The following GPC5 variants were observed in gnomAD, a reference collection of about 807,000 sequenced individuals.
GPC5 encodes glypican-5.
GPC5 carries 47 observed loss-of-function variants against 53.9 expected under a neutral mutation model. The observed-to-expected ratio is 0.87, with a 90% CI of 0.69 to 1.11. The LOEUF is 1.11. GPC5 is among the 50% of genes most tolerant of loss of function. The pLI is 0.00. For missense variants in GPC5, 748 were observed against 713.1 expected, an observed-to-expected ratio of 1.05 and a Z score of -0.56; for synonymous variants, 286 against 263.3, an observed-to-expected ratio of 1.09 and a Z score of -0.84.
intron 7 of GPC5, among the ~76,000 whole-genome samples, chr13:92,848,537 C>A (rs1278233526): frequency 1.4e-5 from 2 of 147,234 alleles, no homozygotes; most frequent in Non-Finnish European, 3.0e-5. Flanking sequence ...AACATAATTG[C>A]AACTTTAAGG....
At chr13:91,425,042 C>A (rs79266484) in intron 1 of GPC5, among the ~76,000 whole-genome samples, 2 of 152,106 alleles carry the variant, frequency 1.3e-5, no homozygotes, top group Non-Finnish European at 2.9e-5. Flanking sequence ...GGGAAGATAT[C>A]TAAGTAGACT....
intron 6 of GPC5, among the ~76,000 whole-genome samples, chr13:92,026,234 T>A (rs1051164503): frequency 6.6e-6 from 1 of 152,188 alleles, no homozygotes; most frequent in Non-Finnish European, 1.5e-5. Context: ...TCATAACATA[T>A]GCAAATTATT....
At chr13:92,695,301 C>T (rs1887526686) in intron 7 of GPC5, among the ~76,000 whole-genome samples, 1 of 151,948 alleles carries the variant, frequency 6.6e-6, no homozygotes, top group South Asian at 2.1e-4. Context: ...ATTTAAGTTC[C>T]TTATAGATTC....
At chr13:92,385,063 A>AT (rs887875988) in intron 7 of GPC5, among the ~76,000 whole-genome samples, 6 of 151,592 alleles carry the variant, frequency 4.0e-5, no homozygotes, top group Admixed American at 4.0e-4. Context: ...ACAATATTTT[A>AT]TTTTTTTCTG....
At chr13:91,487,530 G>T (rs535849269) in intron 2 of GPC5, among the ~76,000 whole-genome samples, 23 of 152,248 alleles carry the variant, frequency 1.5e-4, no homozygotes, top group Non-Finnish European at 2.6e-4. Context: ...GAATACTAGG[G>T]TAGGGCCCCT....
rs549724911 is a variant in GPC5, at chr13:92,482,129, C to CT, written c.1561+337141dup. ...CTGGGCAACAAGGGCAAAACTCTGC[C>CT]TAAAAAAAAAAAATTCCTGATGTTG... On this transcript the variant is annotated intron_variant, in intron 7 of 7. Coordinates refer to ENST00000377067, the MANE Select transcript of GPC5 (RefSeq NM_004466.6). Among the ~76,000 whole-genome samples the CT allele has an allele frequency of 2.8e-4, 42 of 148,830 alleles. No individual in the cohort carries two copies. In the South Asian group the frequency reaches 8.7e-3, roughly 31 times the overall value.
At chr13:91,622,971 G>T (rs1294013001) in intron 2 of GPC5, among the ~76,000 whole-genome samples, 2 of 152,082 alleles carry the variant, frequency 1.3e-5, no homozygotes, top group Non-Finnish European at 2.9e-5. Flanking sequence ...ACCTCATGAG[G>T]AATAATTGCT....
intron 6 of GPC5, among the ~76,000 whole-genome samples, chr13:92,058,390 T>C (rs1331188238): frequency 6.6e-6 from 1 of 152,124 alleles, no homozygotes; most frequent in Admixed American, 6.5e-5. Flanking sequence ...CAAAATTGTG[T>C]GGAACATACA....
chr13:92,423,363 A>AGT (rs1228659762), intron 7 of GPC5, among the ~76,000 whole-genome samples: 2 of 152,194 alleles, frequency 1.3e-5, no homozygotes, highest in Non-Finnish European at 2.9e-5. Flanking sequence ...ACAGTTTTTG[A>AGT]GTGTTTTAAC....
chr13:91,557,218 C>A (rs1197049158), intron 2 of GPC5, among the ~76,000 whole-genome samples: 1 of 152,096 alleles, frequency 6.6e-6, no homozygotes, highest in South Asian at 2.1e-4. Context: ...TCATTTCCTG[C>A]TGCTCCAATT....
intron 7 of GPC5, among the ~76,000 whole-genome samples, chr13:92,387,740 T>C (rs1310047882): frequency 6.6e-6 from 1 of 152,182 alleles, no homozygotes; most frequent in African/African-American, 2.4e-5. Context: ...AACTCTACCA[T>C]CAAACTATAT....
chr13:92,469,002 C>G (rs1315199393), intron 7 of GPC5, among the ~76,000 whole-genome samples: 1 of 152,138 alleles, frequency 6.6e-6, no homozygotes, highest in African/African-American at 2.4e-5. Flanking sequence ...AATTATCACT[C>G]TGTCTTAAAA....
At chr13:92,652,638 C>T (rs1391483708) in intron 7 of GPC5, among the ~76,000 whole-genome samples, 5 of 152,102 alleles carry the variant, frequency 3.3e-5, no homozygotes, top group Admixed American at 1.3e-4. Flanking sequence ...ATCTCAATGT[C>T]GTTACCTCTA....
intron 7 of GPC5, among the ~76,000 whole-genome samples, chr13:92,527,207 A>AAGAAAGAAAGAAAG (rs1566277003): frequency 3.3e-4 from 11 of 33,120 alleles, no homozygotes; most frequent in African/African-American, 4.7e-4. Flanking sequence ...GAAAGAAAGA[A>AAGAAAGAAAGAAAG]AGAAAGAAAG....
chr13:92,716,952 A>G (rs1303495173), intron 7 of GPC5, among the ~76,000 whole-genome samples: 1 of 152,050 alleles, frequency 6.6e-6, no homozygotes, highest in African/African-American at 2.4e-5. Context: ...CATTATCCCT[A>G]TTTTCCAAGT....
intron 6 of GPC5, among the ~76,000 whole-genome samples, chr13:92,129,076 C>G (rs1348948776): frequency 6.6e-6 from 1 of 152,172 alleles, no homozygotes; most frequent in South Asian, 2.1e-4. Context: ...CCTTGTTCAA[C>G]ACATTTCTAA....
chr13:92,548,785 T>C (rs1251250299), intron 7 of GPC5, among the ~76,000 whole-genome samples: 1 of 152,150 alleles, frequency 6.6e-6, no homozygotes, highest in Non-Finnish European at 1.5e-5. Flanking sequence ...GTCTACTTTG[T>C]TAATATCAAG....
chr13:92,042,071 C>T (rs1006710966), intron 6 of GPC5, among the ~76,000 whole-genome samples: 4 of 152,148 alleles, frequency 2.6e-5, no homozygotes, highest in Non-Finnish European at 5.9e-5. Context: ...TGCACAAGAA[C>T]ACAGCTGACT....
intron 7 of GPC5, among the ~76,000 whole-genome samples, chr13:92,245,575 A>G (rs564617589): frequency 1.3e-5 from 2 of 152,326 alleles, no homozygotes; most frequent in South Asian, 4.1e-4. Context: ...TTTATACAGA[A>G]AGTGGACATA....
Sources: gnomAD v4.1 joint callset for allele counts (sites outside exome capture counted in the v4.1 genomes callset) on GRCh38, gnomAD v4.1.1 for gene constraint, MANE v1.5 for transcripts, NCBI Gene and HGNC (gene_info 2026-07-23, HGNC 2026-07-21) for gene names.